UMOD: variants seen among roughly 807,000 people sequenced by gnomAD.
UMOD encodes the protein Tamm-Horsfall urinary glycoprotein.
Under a neutral mutation model 66.0 loss-of-function variants are expected in UMOD, and 64 were observed. The observed-to-expected ratio is 0.97, with a 90% confidence interval of 0.79 to 1.19. UMOD has a LOEUF of 1.19. UMOD is among the 50% of genes most tolerant of loss of function. The probability of loss-of-function intolerance (pLI) is 0.00; values close to 1 mark genes in which losing one functional copy is unlikely to be tolerated. For synonymous variants in UMOD, 398 were observed against 352.7 expected (o/e 1.13, Z -1.44); for missense variants, 764 against 850.9 (o/e 0.90, Z 1.27).
intron 10 of UMOD, among the ~76,000 whole-genome samples, chr16:20,334,580 T>C (rs1436272782): frequency 1.3e-5 from 2 of 152,164 alleles, no homozygotes; most frequent in African/African-American, 4.8e-5. Flanking sequence ...CCTGTGTCTG[T>C]GTGCACATAT....
chr16:20,349,187 A>G lies in UMOD; in HGVS notation c.114T>C (p.Asn38=), dbSNP rs766555124. The G allele has an allele frequency of 5.6e-6, 9 of 1,613,700 alleles. No homozygotes were observed. The highest frequency in any genetic ancestry group is 1.1e-5 in the South Asian group (1 of 91,044). Residue 38 remains asparagine, a synonymous_variant, in exon 3 of 11, where the codon AAT becomes AAC. Coordinates refer to ENST00000396138, the MANE Select transcript of UMOD (RefSeq NM_003361.4). ...CGGCCTCATCCTCCGTGCAGGTGGC[A>G]TTGCTGTGACATTCAGAGCACCATC... is the stretch of plus-strand genomic sequence containing the variant. ...EARWCSECHS[N]ATCTEDEAVT... is the part of the protein sequence containing the mutation.
In UMOD at chr16:20,341,115, AG is replaced by A; in HGVS notation, c.1552del (p.Leu518Ter). 6.2e-7 allele frequency: 1 copy of A among 1,613,996 alleles called. No homozygotes were observed. Among genetic ancestry groups the A allele is most frequent in the Non-Finnish European group, 8.5e-7 (1 of 1,179,990 alleles). On this transcript the variant is annotated frameshift_variant, in exon 7 of 11. Coordinates refer to ENST00000396138, the MANE Select transcript of UMOD (RefSeq NM_003361.4). LOFTEE classifies it high-confidence loss of function. The stretch of plus-strand genomic sequence containing the variant: ...CCTGTCCTGGATGATGAAGTACTTC[AG>A]GGGGTCCGTGGCATTGCTACTGGGT... ...ATPSSNATDP[L>X]KYFIIQDRCP... is the part of the protein sequence containing the mutation.
Position 20,349,255 on chromosome 16 carries a change from C to T in UMOD, c.89-43G>A, listed in dbSNP as rs201509608. 2,183 of 1,590,836 alleles carry T rather than the reference C, an allele frequency of 1.4e-3. 11 individuals are homozygous for T. Among genetic ancestry groups the T allele is most frequent in the Non-Finnish European group, 1.6e-3 (1,855 of 1,168,610 alleles). On this transcript the variant is annotated intron_variant, in intron 2 of 10. Transcript: ENST00000396138. ...CAGCTTCAGGGTTTGGGCAGCTGGG[C>T]CCATGGCCACCCAGAGATCCTTCCC... is the stretch of plus-strand genomic sequence containing the variant.
chr16:20,355,361 G>A (rs1966013424), upstream of UMOD, among the ~76,000 whole-genome samples: 1 of 150,736 alleles, frequency 6.6e-6, no homozygotes, highest in Non-Finnish European at 1.5e-5. Context: ...TAATCTCTCA[G>A]CACTTCGCTC....
intron 7 of UMOD, among the ~76,000 whole-genome samples, chr16:20,339,824 T>C (rs1294285981): frequency 6.6e-6 from 1 of 152,260 alleles, no homozygotes; most frequent in East Asian, 1.9e-4. Flanking sequence ...TTCTATTTAC[T>C]GTGAAATCCA....
chr16:20,353,194 T>C (rs1276068271), upstream of UMOD, among the ~76,000 whole-genome samples: 2 of 152,122 alleles, frequency 1.3e-5, no homozygotes, highest in Non-Finnish European at 2.9e-5. Context: ...TCTCATGAGA[T>C]CAGCCTTAGA....
At position 20,336,740 on chromosome 16, in the gene UMOD, G is replaced by A. The variant is rs1165718485; in HGVS notation, c.1741-13C>T. Reference sequence around the variant, plus strand: ...TCCCAGAGCAGGTCTACAGGGAGAGGGCAATAGAAAAACACCCTCCATGAA... The same window carrying A: ...TCCCAGAGCAGGTCTACAGGGAGAGAGCAATAGAAAAACACCCTCCATGAA... On this transcript the variant is annotated splice_polypyrimidine_tract_variant and intron_variant, in intron 8 of 10. Transcript: ENST00000396138. The A allele has an allele frequency of 3.7e-5, 59 of 1,613,012 alleles. No homozygotes were observed. The highest frequency in any genetic ancestry group is 4.9e-5 in the Non-Finnish European group (58 of 1,179,204).
rs1288892738 is a variant in UMOD, at chr16:20,346,300, C to T, written c.1008G>A (p.Gly336=). ...ISLLEHRLEC[G]ANDMKVSLGK... ...CCAGCGACACCTTCATGTCATTGGC[C>T]CCACATTCCAGCCTGTGCTCCAGGA... Residue 336 remains glycine, a synonymous_variant, in exon 5 of 11, where the codon GGG becomes GGA. Coordinates refer to ENST00000396138, the MANE Select transcript of UMOD (RefSeq NM_003361.4). 6 of 1,614,134 alleles carry T rather than the reference C, an allele frequency of 3.7e-6. No individual in the cohort carries two copies. Among genetic ancestry groups the T allele is most frequent in the Admixed American group, 1.7e-5 (1 of 60,012 alleles).
chr16:20,343,359 T>A (rs1226318814), intron 6 of UMOD, among the ~76,000 whole-genome samples: 1 of 152,164 alleles, frequency 6.6e-6, no homozygotes, highest in African/African-American at 2.4e-5. Flanking sequence ...ACCAAGACAC[T>A]TGCAAGGAGC....
At chr16:20,353,947 C>A (rs1156374463), upstream of UMOD, among the ~76,000 whole-genome samples, 1 of 152,192 alleles carries the variant, frequency 6.6e-6, no homozygotes, top group African/African-American at 2.4e-5. Flanking sequence ...TGATGTTCCC[C>A]TTCCTGTGTC....
chr16:20,340,583 A>C (rs1053033040), intron 7 of UMOD, among the ~76,000 whole-genome samples: 36 of 151,958 alleles, frequency 2.4e-4, no homozygotes, highest in Non-Finnish European at 1.3e-4. Flanking sequence ...ATAGTAACTA[A>C]AAAGTACTGA....
Position 20,344,095 on chromosome 16 carries a change from T to G in UMOD, c.1260A>C (p.Lys420Asn). The G allele has an allele frequency of 6.2e-7, 1 of 1,613,758 alleles. No individual in the cohort carries two copies. Among genetic ancestry groups the G allele is most frequent in the Non-Finnish European group, 8.5e-7 (1 of 1,179,940 alleles). Residue 420 changes from lysine (K) to asparagine (N), a missense_variant, in exon 6 of 11, where the codon AAA becomes AAC. Physicochemically the swap from Lys to Asn is moderately conservative, Grantham distance 94. Transcript: ENST00000396138. Reference protein sequence around the residue: ...DEIIIRDLNIKINFACSYPLD... With the variant: ...DEIIIRDLNININFACSYPLD... ...GGGGGTAGGAGCATGCAAAGTTGATTTTGATGTTGAGGTCACGGATGATGA... is the reference window on the plus strand; with the variant it reads ...GGGGGTAGGAGCATGCAAAGTTGATGTTGATGTTGAGGTCACGGATGATGA...
At chr16:20,338,309 C>CT (rs1964991395) in intron 7 of UMOD, among the ~76,000 whole-genome samples, 1 of 152,200 alleles carries the variant, frequency 6.6e-6, no homozygotes, top group South Asian at 2.1e-4. Flanking sequence ...CCTCCAGTCA[C>CT]TTTCACTGTC....
chr16:20,338,420 T>G (rs899199697), intron 7 of UMOD, among the ~76,000 whole-genome samples: 4 of 152,196 alleles, frequency 2.6e-5, no homozygotes, highest in Non-Finnish European at 5.9e-5. Flanking sequence ...GATGGCAACT[T>G]ATAGACACAC....
chr16:20,333,187 GA>G lies in UMOD; in HGVS notation c.*126del. The G allele has an allele frequency of 1.0e-6, 1 of 996,842 alleles. No individual in the cohort carries two copies. The highest frequency in any genetic ancestry group is 1.6e-6 in the Non-Finnish European group (1 of 644,678). The allele number at this position is 996,842 out of a possible 1,614,324, so 61.7% of individuals were successfully genotyped here. A position where few individuals can be genotyped will look rare whatever the true frequency, so the allele number is the denominator to read the frequency against. ...TCTCGACAGCCAGGATTAAAAGGGAGAAAAGAAGGCAGGCTGAACAAAGCAT... is the reference window on the plus strand; with the variant it reads ...TCTCGACAGCCAGGATTAAAAGGGAGAAAGAAGGCAGGCTGAACAAAGCAT... On this transcript the variant is annotated 3_prime_UTR_variant, in exon 11 of 11. Transcript: ENST00000396138.
At chr16:20,346,570 A>G (rs1965597992) in intron 4 of UMOD, among the ~76,000 whole-genome samples, 1 of 152,192 alleles carries the variant, frequency 6.6e-6, no homozygotes, top group African/African-American at 2.4e-5. Flanking sequence ...TGGGTTATAT[A>G]CCAAATGCAG....
At chr16:20,335,251 T>C (rs1964807422) in intron 10 of UMOD, among the ~76,000 whole-genome samples, 1 of 152,178 alleles carries the variant, frequency 6.6e-6, no homozygotes, top group Admixed American at 6.5e-5. Context: ...AGTTTGTGTA[T>C]AAAATAAGTG....
chr16:20,353,367 C>A (rs553422262), upstream of UMOD, among the ~76,000 whole-genome samples: 2 of 152,292 alleles, frequency 1.3e-5, no homozygotes, highest in African/African-American at 2.4e-5. Flanking sequence ...AATAGACTGA[C>A]TTTGGAGTCA....
intron 7 of UMOD, among the ~76,000 whole-genome samples, chr16:20,339,758 T>C (rs372967553): frequency 6.6e-6 from 1 of 152,394 alleles, no homozygotes; most frequent in African/African-American, 2.4e-5. Flanking sequence ...TTTCATTTAA[T>C]AGTTGGCCCT....
Sources: allele counts gnomAD v4.1 joint callset (sites outside exome capture counted in the v4.1 genomes callset), GRCh38; gene constraint gnomAD v4.1.1; transcripts MANE v1.5; gene names NCBI Gene and HGNC (gene_info 2026-07-23, HGNC 2026-07-21).